VPS37A: variants seen among roughly 807,000 people sequenced by gnomAD.
VPS37A encodes vacuolar protein sorting-associated protein 37A.
A neutral mutation model predicts 49.8 loss-of-function variants in VPS37A; 30 were observed. The observed-to-expected ratio is 0.60, with a 90% CI of 0.45 to 0.82. The LOEUF is 0.82. VPS37A is among the 40% of genes least tolerant of loss of function. The probability of loss-of-function intolerance (pLI) is 0.00; values close to 1 mark genes in which losing one functional copy is unlikely to be tolerated. For missense variants in VPS37A, 593 were observed against 464.4 expected (o/e 1.28, Z -2.55); for synonymous variants, 195 against 160.6 (o/e 1.21, Z -1.62).
rs1221016270 is a variant in VPS37A, at chr8:17,272,120, A to G, written c.417-2613A>G. The stretch of plus-strand genomic sequence containing the variant: ...CAGCAGTATTGGTAAACTTTCCACT[A>G]ATAAAAAGTTCTCCTTCCGGTGACC... On this transcript the variant is annotated intron_variant, in intron 4 of 11. Transcript: ENST00000324849. The G allele has an allele frequency of 6.6e-6, 3 of 455,848 alleles. No individual in the cohort carries two copies. In the East Asian group the frequency reaches 2.1e-4, roughly 32 times the overall value. The allele number at this position is 455,848 out of a possible 1,614,324, so 28.2% of individuals were successfully genotyped here.
chr8:17,313,293 T>C, the VPS37A span: 2 of 1,607,106 alleles, frequency 1.2e-6, no homozygotes, highest in Non-Finnish European at 1.7e-6. Flanking sequence ...ATTGCATACC[T>C]TTGCAATGAA....
intron 5 of VPS37A, among the ~76,000 whole-genome samples, chr8:17,275,270 A>G (rs1814411933): frequency 6.6e-6 from 1 of 152,160 alleles, no homozygotes; most frequent in Non-Finnish European, 1.5e-5. Flanking sequence ...TTTTTTCACC[A>G]CTTTCTTAGT....
downstream of VPS37A, chr8:17,302,258 G>A (rs200135634): frequency 1.3e-4 from 205 of 1,613,740 alleles, no homozygotes; most frequent in Non-Finnish European, 1.6e-4. Context: ...TTTTCAAAGC[G>A]GTTATACATT....
chr8:17,279,134 A>G lies in VPS37A; in HGVS notation c.714-894A>G, dbSNP rs1036365220. On this transcript the variant is annotated intron_variant, in intron 6 of 11. Coordinates refer to ENST00000324849, the MANE Select transcript of VPS37A (RefSeq NM_152415.3). ...ACAGCCACACATCTGTAAGCTAAAT[A>G]GTCACAGAGGTTAAAACGGAGTTGT... Among the ~76,000 whole-genome samples, 9 of 152,278 alleles carry G rather than the reference A, an allele frequency of 5.9e-5. No homozygotes were observed. In the East Asian group the frequency reaches 9.6e-4, roughly 16 times the overall value.
the VPS37A span, among the ~76,000 whole-genome samples, chr8:17,327,088 C>T: frequency 1.3e-5 from 2 of 152,168 alleles, no homozygotes; most frequent in Non-Finnish European, 2.9e-5. Context: ...TTTTTGCTTA[C>T]ATTATACATA....
At chr8:17,306,063 C>CT, downstream of VPS37A, 1 of 857,122 alleles carries the variant, frequency 1.2e-6, no homozygotes. Context: ...CTAAATAAAT[C>CT]TTATCTTACA....
downstream of VPS37A, among the ~76,000 whole-genome samples, chr8:17,307,036 GA>G (rs1817499450): frequency 6.6e-6 from 1 of 152,158 alleles, no homozygotes; most frequent in African/African-American, 2.4e-5. Context: ...AAAATTGACA[GA>G]TGGGATCTAA....
chr8:17,267,718 G>A (rs1357212632), intron 2 of VPS37A, among the ~76,000 whole-genome samples: 1 of 152,138 alleles, frequency 6.6e-6, no homozygotes, highest in African/African-American at 2.4e-5. Context: ...TCAAAGATGA[G>A]GTCTCACTGT....
the VPS37A span, among the ~76,000 whole-genome samples, chr8:17,319,086 G>T: frequency 6.6e-6 from 1 of 152,184 alleles, no homozygotes; most frequent in African/African-American, 2.4e-5. Context: ...TATGTGAACT[G>T]AACCATACGT....
At position 17,282,619 on chromosome 8, in the gene VPS37A, A is replaced by G. The variant is rs190663448; in HGVS notation, c.970-1854A>G. ...TGCCAGTGGTCTATTGGAAAAGGAAACAACAGGAAACTGACAAAAGGAGAA... is the reference window on the plus strand; with the variant it reads ...TGCCAGTGGTCTATTGGAAAAGGAAGCAACAGGAAACTGACAAAAGGAGAA... On this transcript the variant is annotated intron_variant, in intron 9 of 11. Transcript: ENST00000324849. Among the ~76,000 whole-genome samples, 42 of 152,318 alleles carry G rather than the reference A, an allele frequency of 2.8e-4. No homozygotes were observed. In the East Asian group the frequency reaches 7.7e-3, roughly 28 times the overall value.
intron 11 of VPS37A, among the ~76,000 whole-genome samples, chr8:17,287,827 A>G (rs767376198): frequency 1.2e-4 from 19 of 152,218 alleles, no homozygotes; most frequent in East Asian, 5.8e-4. Context: ...TGGGCAAGCT[A>G]TCCATCCTAC....
chr8:17,317,335 G>A, the VPS37A span, among the ~76,000 whole-genome samples: 3 of 152,202 alleles, frequency 2.0e-5, no homozygotes, highest in Non-Finnish European at 4.4e-5. Flanking sequence ...CGAGTCCTTT[G>A]TCTTCGATGT....
At chr8:17,309,965 GTATTTATTT>G in the VPS37A span, among the ~76,000 whole-genome samples, 1 of 152,046 alleles carries the variant, frequency 6.6e-6, no homozygotes, top group African/African-American at 2.4e-5. Context: ...TTATTTTTAA[GTATTTATTT>G]TGGTTTTGTA....
chr8:17,277,597 T>C (rs1483788650), intron 6 of VPS37A, among the ~76,000 whole-genome samples: 1 of 152,000 alleles, frequency 6.6e-6, no homozygotes, highest in African/African-American at 2.4e-5. Context: ...TTTTAACCCA[T>C]CAATTCTTCA....
intron 5 of VPS37A, among the ~76,000 whole-genome samples, 172 bp downstream of exon 5, chr8:17,275,130 A>T (rs1305486552): frequency 6.6e-6 from 1 of 152,218 alleles, no homozygotes; most frequent in African/African-American, 2.4e-5. Context: ...AATTTTAAAT[A>T]TGGAGCTTCT....
rs1246842662 is a variant in VPS37A, at chr8:17,286,574, A to G, written c.*147A>G. On this transcript the variant is annotated intron_variant, in intron 11 of 11. Transcript: ENST00000324849. ...TATGTAACATAGAATGCTTTGTATT[A>G]TATAATAAGCATAATATAAACATAT... 4.9e-6 allele frequency: 3 copies of G among 615,100 alleles called. No individual in the cohort carries two copies. The African/African-American group carries it at 5.6e-5, about 11-fold the overall frequency. 38.1% of individuals were successfully genotyped at this position (615,100 alleles called of 1,614,324 possible).
the VPS37A span, among the ~76,000 whole-genome samples, chr8:17,324,605 T>C: frequency 0.089 from 13,599 of 152,234 alleles, 968 homozygotes; most frequent in East Asian, 0.32. Context: ...AAAGCACACA[T>C]ACTTGATCCA....
downstream of VPS37A, among the ~76,000 whole-genome samples, chr8:17,300,831 C>T (rs559912115): frequency 2.6e-5 from 4 of 152,202 alleles, no homozygotes; most frequent in South Asian, 6.2e-4. Flanking sequence ...ATGGATTTGC[C>T]TAGTCTAGAT....
At chr8:17,262,095 C>T (rs1000499910) in intron 1 of VPS37A, among the ~76,000 whole-genome samples, 2 of 151,974 alleles carry the variant, frequency 1.3e-5, no homozygotes, top group Non-Finnish European at 2.9e-5. Context: ...TTTTTGTATG[C>T]TTGATGCTGG....
Sources: gnomAD v4.1 joint callset for allele counts (sites outside exome capture counted in the v4.1 genomes callset) on GRCh38, gnomAD v4.1.1 for gene constraint, MANE v1.5 for transcripts, NCBI Gene and HGNC (gene_info 2026-07-23, HGNC 2026-07-21) for gene names.